CREB5: variants seen among roughly 807,000 people sequenced by gnomAD.
The protein encoded by CREB5 is cyclic AMP-responsive element-binding protein 5.
CREB5 carries 19 observed loss-of-function variants against 57.1 expected under a neutral mutation model. The ratio of observed to expected loss-of-function variants is 0.33; its 90% confidence interval spans 0.23 to 0.49. The LOEUF (loss-of-function observed/expected upper bound fraction) is 0.49, where lower values mean the gene tolerates loss of function less well. Among genes scored for constraint, CREB5 ranks in the 20% least tolerant of loss-of-function variants. The pLI is 0.99. For synonymous variants in CREB5, 238 were observed against 238.3 expected (o/e 1.00, Z 0.01); for missense variants, 579 against 671.6 (o/e 0.86, Z 1.52).
intron 7 of CREB5, among the ~76,000 whole-genome samples, chr7:28,777,900 T>C (rs923143606): frequency 3.9e-5 from 6 of 152,228 alleles, no homozygotes; most frequent in African/African-American, 9.6e-5. Flanking sequence ...GAGACGACTA[T>C]TGTCAACAGA....
intron 1 of CREB5, among the ~76,000 whole-genome samples, chr7:28,440,554 C>T (rs769110737): frequency 3.3e-5 from 5 of 152,180 alleles, no homozygotes; most frequent in Non-Finnish European, 7.3e-5. Context: ...ACTAATTTAA[C>T]AAGCCTGAAA....
intron 9 of CREB5, among the ~76,000 whole-genome samples, chr7:28,812,894 T>C (rs1809207699): frequency 6.6e-6 from 1 of 152,206 alleles, no homozygotes; most frequent in African/African-American, 2.4e-5. Flanking sequence ...ATCCAAGGTC[T>C]GGATGGCCAG....
chr7:28,824,980 G>C lies in CREB5; in HGVS notation c.*5701G>C, dbSNP rs573916837. On this transcript the variant is annotated 3_prime_UTR_variant, in exon 11 of 11. Transcript: ENST00000357727. The stretch of plus-strand genomic sequence containing the variant: ...AGAAAGCTCCTTCTAAGCCATTTAA[G>C]ATATTCTTACATTGAGCTTCATATT... 1.4e-4 allele frequency: 22 copies of C among 152,654 alleles called. No homozygotes were observed. In the South Asian group the frequency reaches 1.9e-3, roughly 13 times the overall value. 9.5% of individuals were successfully genotyped at this position (152,654 alleles called of 1,614,324 possible).
chr7:28,507,486 G>C, intron 3 of CREB5, 130 bp from the exon 4 acceptor site: 1 of 1,087,064 alleles, frequency 9.2e-7, no homozygotes. Flanking sequence ...TATTTAAAGG[G>C]CCAAGAGACT....
At chr7:28,417,092 T>C (rs73295200) in intron 1 of CREB5, among the ~76,000 whole-genome samples, 3,486 of 152,252 alleles carry the variant, frequency 0.023, 157 homozygotes, top group African/African-American at 0.079. Context: ...TTGAGCTTAT[T>C]GTGCTTCTCT....
intron 1 of CREB5, among the ~76,000 whole-genome samples, chr7:28,400,619 A>T (rs536375670): frequency 1.3e-4 from 20 of 152,330 alleles, no homozygotes; most frequent in African/African-American, 4.8e-4. Context: ...ATTTTCTGAT[A>T]TCCACAGTGG....
intron 7 of CREB5, among the ~76,000 whole-genome samples, chr7:28,737,551 A>ATGTATATATATACG (rs1804071016): frequency 4.2e-5 from 1 of 23,852 alleles, no homozygotes. Context: ...ATATATATAT[A>ATGTATATATATACG]TATATATATA....
intron 4 of CREB5, among the ~76,000 whole-genome samples, chr7:28,569,324 G>A (rs988064325): frequency 6.6e-5 from 10 of 151,688 alleles, no homozygotes; most frequent in Non-Finnish European, 7.4e-5. Flanking sequence ...GCACTACACC[G>A]CTTTCTCTTT....
At chr7:28,588,981 T>C (rs1301803713) in intron 5 of CREB5, among the ~76,000 whole-genome samples, 1 of 152,174 alleles carries the variant, frequency 6.6e-6, no homozygotes, top group Non-Finnish European at 1.5e-5. Flanking sequence ...GCTTTCTAAA[T>C]AAGTGTGGAG....
chr7:28,765,166 T>G (rs1179045874), intron 7 of CREB5, among the ~76,000 whole-genome samples: 3 of 152,228 alleles, frequency 2.0e-5, no homozygotes, highest in Non-Finnish European at 4.4e-5. Context: ...TGTGTTTACC[T>G]TTCATCTATT....
At chr7:28,399,246 G>GC (rs1180640882) in intron 1 of CREB5, among the ~76,000 whole-genome samples, 1 of 149,648 alleles carries the variant, frequency 6.7e-6, no homozygotes, top group Non-Finnish European at 1.5e-5. Context: ...GCAAAAGACA[G>GC]CATAGACAAA....
At chr7:28,734,381 A>G (rs1465137950) in intron 7 of CREB5, among the ~76,000 whole-genome samples, 1 of 152,124 alleles carries the variant, frequency 6.6e-6, no homozygotes, top group Non-Finnish European at 1.5e-5. Flanking sequence ...TCATATAAGT[A>G]ATACATCAAA....
At chr7:28,560,881 T>TGCGCGCGCGTGCGTGCGC (rs1388491335) in intron 4 of CREB5, among the ~76,000 whole-genome samples, 4 of 46,206 alleles carry the variant, frequency 8.7e-5, no homozygotes, top group Admixed American at 2.0e-4. Flanking sequence ...TGCGCGTGCG[T>TGCGCGCGCGTGCGTGCGC]GCGTGCGTGT....
intron 1 of CREB5, among the ~76,000 whole-genome samples, chr7:28,343,507 A>G: frequency 6.6e-6 from 1 of 152,158 alleles, no homozygotes; most frequent in Non-Finnish European, 1.5e-5. Context: ...AGCTTCATTC[A>G]TATTATTGCA....
At chr7:28,652,954 T>A (rs1799202017) in intron 5 of CREB5, among the ~76,000 whole-genome samples, 1 of 152,234 alleles carries the variant, frequency 6.6e-6, no homozygotes, top group Admixed American at 6.5e-5. Context: ...ATTCTTCTTT[T>A]TTCTGTCTAG....
intron 7 of CREB5, among the ~76,000 whole-genome samples, chr7:28,751,369 G>A (rs1049741066): frequency 3.3e-5 from 5 of 152,236 alleles, no homozygotes; most frequent in African/African-American, 1.2e-4. Context: ...GAATTGGCAT[G>A]TTGGCCATGT....
intron 5 of CREB5, among the ~76,000 whole-genome samples, chr7:28,660,133 C>G (rs1330498928): frequency 1.1e-4 from 17 of 152,076 alleles, no homozygotes; most frequent in Admixed American, 1.1e-3. Flanking sequence ...CAAAAATGTG[C>G]TGTGCATAGT....
chr7:28,516,331 G>C (rs189256338), intron 4 of CREB5, among the ~76,000 whole-genome samples: 177 of 152,212 alleles, frequency 1.2e-3, no homozygotes, highest in Admixed American at 3.0e-3. Flanking sequence ...ATCGGTGTGG[G>C]ACATAGTGGG....
intron 4 of CREB5, among the ~76,000 whole-genome samples, chr7:28,547,942 G>T (rs888513988): frequency 6.6e-6 from 1 of 152,178 alleles, no homozygotes; most frequent in Non-Finnish European, 1.5e-5. Flanking sequence ...AGGAGAAGCA[G>T]CTTTTTGAAG....
Sources: gnomAD v4.1 joint callset for allele counts (sites outside exome capture counted in the v4.1 genomes callset) on GRCh38, gnomAD v4.1.1 for gene constraint, MANE v1.5 for transcripts, NCBI Gene and HGNC (gene_info 2026-07-23, HGNC 2026-07-21) for gene names.